RORA: variants seen among roughly 807,000 people sequenced by gnomAD.
The protein encoded by RORA is nuclear receptor ROR-alpha.
Under a neutral mutation model 69.5 loss-of-function variants are expected in RORA, and 7 were observed. That is an observed-to-expected ratio of 0.10 (90% CI 0.06 to 0.19). The LOEUF is 0.19. RORA is among the 10% of genes least tolerant of loss of function. RORA has a pLI of 1.00. For missense variants in RORA, 457 were observed against 663.0 expected (o/e 0.69, Z 3.41); for synonymous variants, 261 against 240.8 (o/e 1.08, Z -0.78).
intron 1 of RORA, among the ~76,000 whole-genome samples, chr15:61,042,991 T>C (rs1253183159): frequency 6.6e-6 from 1 of 152,182 alleles, no homozygotes; most frequent in Admixed American, 6.5e-5. Context: ...TCACATTGTT[T>C]ATAACTGCAG....
intron 1 of RORA, among the ~76,000 whole-genome samples, chr15:61,060,487 G>A (rs1259471257): frequency 6.6e-6 from 1 of 152,120 alleles, no homozygotes; most frequent in East Asian, 1.9e-4. Flanking sequence ...GGGGTCGGGG[G>A]CAAGGGTGAC....
At chr15:60,887,141 TGAGAGAGA>T (rs3053903) in intron 1 of RORA, among the ~76,000 whole-genome samples, 9 of 147,906 alleles carry the variant, frequency 6.1e-5, no homozygotes, top group Non-Finnish European at 9.0e-5. Flanking sequence ...TTGCCAGAGC[TGAGAGAGA>T]GAGAGAGAGA....
chr15:61,114,527 AAG>A lies in RORA; in HGVS notation c.166+114524_166+114525del, dbSNP rs766527914. On this transcript the variant is annotated intron_variant, in intron 1 of 10. Coordinates refer to ENST00000335670, the MANE Select transcript of RORA (RefSeq NM_134261.3). ...CTAAAATGTTTGTTGCTGTGACTGC[AAG>A]AAATCAGGGATTAATATTTACCTCT... is the stretch of plus-strand genomic sequence containing the variant. 3.3e-5 allele frequency among the ~76,000 whole-genome samples: 5 copies of A among 152,342 alleles called. No individual in the cohort carries two copies. In the South Asian group the frequency reaches 6.2e-4, roughly 19 times the overall value.
chr15:60,580,981 T>C (rs2068175283), intron 2 of RORA, among the ~76,000 whole-genome samples: 1 of 152,226 alleles, frequency 6.6e-6, no homozygotes, highest in Non-Finnish European at 1.5e-5. Flanking sequence ...ACTATCTTTG[T>C]TGGGGGAGGG....
intron 1 of RORA, among the ~76,000 whole-genome samples, chr15:61,038,610 G>C (rs1029986247): frequency 6.6e-6 from 1 of 152,336 alleles, no homozygotes; most frequent in Non-Finnish European, 1.5e-5. Context: ...GAAGCAACAC[G>C]AGAAAATTGG....
At chr15:60,521,247 ATT>A (rs34311504) in intron 3 of RORA, among the ~76,000 whole-genome samples, 1 of 145,028 alleles carries the variant, frequency 6.9e-6, no homozygotes, top group African/African-American at 2.5e-5. Context: ...AAAAATTGTC[ATT>A]TTTTTTTTTT....
At chr15:61,174,010 T>C (rs2079607101) in intron 1 of RORA, among the ~76,000 whole-genome samples, 1 of 152,232 alleles carries the variant, frequency 6.6e-6, no homozygotes, top group Non-Finnish European at 1.5e-5. Flanking sequence ...AGACCTTTAT[T>C]GGCAGAAATT....
intron 2 of RORA, among the ~76,000 whole-genome samples, chr15:60,615,814 C>T (rs1402102869): frequency 2.0e-5 from 3 of 152,170 alleles, no homozygotes; most frequent in Non-Finnish European, 4.4e-5. Context: ...GGCCCTGCTG[C>T]CTGAAACCCC....
chr15:60,896,483 A>G (rs2044139133), intron 1 of RORA, among the ~76,000 whole-genome samples: 1 of 152,208 alleles, frequency 6.6e-6, no homozygotes. Flanking sequence ...CCCACACAGG[A>G]AGTCTTAGTT....
chr15:61,150,947 A>T (rs1018835245), intron 1 of RORA, among the ~76,000 whole-genome samples: 2 of 152,210 alleles, frequency 1.3e-5, no homozygotes, highest in Non-Finnish European at 2.9e-5. Flanking sequence ...AGAGCTTTTA[A>T]ATTATTAGAA....
At chr15:60,639,677 C>T (rs1371100257) in intron 2 of RORA, among the ~76,000 whole-genome samples, 1 of 152,186 alleles carries the variant, frequency 6.6e-6, no homozygotes, top group Admixed American at 6.5e-5. Flanking sequence ...GTTGCACAAG[C>T]AATTTCCAGC....
chr15:60,582,698 G>A (rs1303631222), intron 2 of RORA, among the ~76,000 whole-genome samples: 2 of 152,184 alleles, frequency 1.3e-5, no homozygotes, highest in Non-Finnish European at 2.9e-5. Flanking sequence ...TACACCTTGG[G>A]ACCAGTAAAA....
chr15:61,196,535 C>T (rs147653507), intron 1 of RORA, among the ~76,000 whole-genome samples: 1 of 152,216 alleles, frequency 6.6e-6, no homozygotes, highest in African/African-American at 2.4e-5. Flanking sequence ...GCAGCACTTG[C>T]GTGATTCTCA....
At chr15:60,933,852 T>C (rs1892441959) in intron 1 of RORA, among the ~76,000 whole-genome samples, 1 of 152,148 alleles carries the variant, frequency 6.6e-6, no homozygotes, top group African/African-American at 2.4e-5. Flanking sequence ...GTGCGATCCA[T>C]TCTGTTGGCC....
chr15:60,800,838 T>C, intron 1 of RORA, among the ~76,000 whole-genome samples: 1 of 152,204 alleles, frequency 6.6e-6, no homozygotes, highest in East Asian at 1.9e-4. Context: ...CCTTCCTGTC[T>C]CAACTCCAGC....
At chr15:60,598,185 C>G (rs539316666) in intron 2 of RORA, among the ~76,000 whole-genome samples, 10 of 152,254 alleles carry the variant, frequency 6.6e-5, no homozygotes, top group Admixed American at 2.0e-4. Context: ...CCCCATCAGC[C>G]CTTACATTGT....
chr15:60,812,470 A>C (rs940688014), intron 1 of RORA, among the ~76,000 whole-genome samples: 1 of 152,214 alleles, frequency 6.6e-6, no homozygotes, highest in Non-Finnish European at 1.5e-5. Context: ...TGATCATGCC[A>C]CTGCACTCCA....
intron 1 of RORA, among the ~76,000 whole-genome samples, chr15:60,986,797 A>G (rs1379145275): frequency 1.3e-5 from 2 of 152,232 alleles, no homozygotes; most frequent in Non-Finnish European, 2.9e-5. Context: ...AGGCTGGGCC[A>G]GTAGGATTGT....
intron 1 of RORA, among the ~76,000 whole-genome samples, chr15:61,092,232 T>C (rs899545215): frequency 6.6e-6 from 1 of 152,218 alleles, no homozygotes; most frequent in African/African-American, 2.4e-5. Context: ...CGAAGGGTGC[T>C]GGTGATAAGC....
Sources: allele counts gnomAD v4.1 joint callset (sites outside exome capture counted in the v4.1 genomes callset), GRCh38; gene constraint gnomAD v4.1.1; transcripts MANE v1.5; gene names NCBI Gene and HGNC (gene_info 2026-07-23, HGNC 2026-07-21).